Variants in MFSD6 observed in about 807,000 individuals in gnomAD.
The protein encoded by MFSD6 is major facilitator superfamily domain containing 6, also known as major facilitator superfamily domain-containing protein 6.
In MFSD6, 26 loss-of-function variants were observed where a neutral mutation model predicts 56.3. The ratio of observed to expected loss-of-function variants is 0.46; its 90% CI spans 0.34 to 0.64. The LOEUF (loss-of-function observed/expected upper bound fraction) is 0.64, where lower values mean the gene tolerates loss of function less well. Among genes scored for constraint, MFSD6 ranks in the 30% least tolerant of loss-of-function variants. The pLI is 0.01. For synonymous variants in MFSD6, 331 were observed against 366.9 expected (o/e 0.90, Z 1.12); for missense variants, 750 against 986.2 (o/e 0.76, Z 3.21).
At position 190,439,362 on chromosome 2, in the gene MFSD6, TTTTA is replaced by T. The variant is rs1464079785; in HGVS notation, c.1532+1805_1532+1808del. ...AGGTTCTATTTTCTTTTTTTTCACG[TTTTA>T]TTTGTTTATTTTTTTATTATACTTT... On this transcript the variant is annotated intron_variant, in intron 3 of 7. Coordinates refer to ENST00000392328, the MANE Select transcript of MFSD6 (RefSeq NM_017694.4). The surrounding 1 kb of genome is among the most constrained non-coding windows in gnomAD (Gnocchi z 5.8). 6.6e-6 allele frequency among the ~76,000 whole-genome samples: 1 copy of T among 151,922 alleles called. No homozygotes were observed. Among genetic ancestry groups the T allele is most frequent in the Non-Finnish European group, 1.5e-5 (1 of 67,984 alleles).
chr2:190,458,194 CCCTGAAGATTCATACGTTGAGGTCCTAA>C lies in MFSD6; in HGVS notation c.1533-11561_1533-11534del, dbSNP rs561061923. ...GCATTTTAATGGGCTGAATTGTGGC[CCCTGAAGATTCATACGTTGAGGTCCTAA>C]CCCACAGTACCTCAGAGTGTGACCA... On this transcript the variant is annotated intron_variant, in intron 3 of 7. Transcript: ENST00000392328. This position sits in a 1 kb window ranked among gnomAD's most constrained non-coding sequence, Gnocchi z 5.3. Among the ~76,000 whole-genome samples the C allele has an allele frequency of 7.4e-4, 113 of 152,174 alleles. No individual in the cohort carries two copies. Among genetic ancestry groups the C allele is most frequent in the African/African-American group, 2.6e-3 (106 of 41,518 alleles).
At chr2:190,482,846 G>A (rs1688753214) in intron 4 of MFSD6, among the ~76,000 whole-genome samples, 1 of 134,492 alleles carries the variant, frequency 7.4e-6, no homozygotes, top group Admixed American at 7.9e-5. Flanking sequence ...AAAGGGTGGA[G>A]AAGAGTTATT....
rs964145107 is a variant in MFSD6 at position 190,456,669 on chromosome 2, A to C, written c.1533-13089A>C. Among the ~76,000 whole-genome samples, 1 of 152,072 alleles carries C rather than the reference A, an allele frequency of 6.6e-6. No homozygotes were observed. Among genetic ancestry groups the C allele is most frequent in the African/African-American group, 2.4e-5 (1 of 41,416 alleles). On this transcript the variant is annotated intron_variant, in intron 3 of 7. Transcript: ENST00000392328. The surrounding 1 kb of genome is among the most constrained non-coding windows in gnomAD (Gnocchi z 5.4). Reference sequence around the variant, plus strand: ...CTGTGTATGGTGCCCCATCCCTGACAAGGCAAGCATCCACTTCTGATTATT... The same window carrying C: ...CTGTGTATGGTGCCCCATCCCTGACCAGGCAAGCATCCACTTCTGATTATT...
chr2:190,454,930 CTGTA>C lies in MFSD6; in HGVS notation c.1533-14822_1533-14819del, dbSNP rs919847527. The stretch of plus-strand genomic sequence containing the variant: ...CTGTATGTATATGTGTTCCTGGTTT[CTGTA>C]TGTATATGTATATGTATATGTATAT... On this transcript the variant is annotated intron_variant, in intron 3 of 7. Transcript: ENST00000392328. The surrounding 1 kb of genome is among the most constrained non-coding windows in gnomAD (Gnocchi z 4.6). Among the ~76,000 whole-genome samples, 1 of 120,550 alleles carries C rather than the reference CTGTA, an allele frequency of 8.3e-6. No individual in the cohort carries two copies. The highest frequency in any genetic ancestry group is 3.7e-5 in the African/African-American group (1 of 26,698). The allele number at this position is 120,550 out of a possible 152,430, so 79.1% of individuals were successfully genotyped here. A position where few individuals can be genotyped will look rare whatever the true frequency, so the allele number is the denominator to read the frequency against.
rs184193867 is a variant in MFSD6 at position 190,476,949 on chromosome 2, T to C, written c.1630+7094T>C. ...AACCATCATTCTCAGCAAACTATTG[T>C]AAGGACAAAAAACCAAACACCGCAT... On this transcript the variant is annotated intron_variant, in intron 4 of 7. Transcript: ENST00000392328. 1.6e-4 allele frequency among the ~76,000 whole-genome samples: 24 copies of C among 148,598 alleles called. 1 individual carries two copies. The East Asian group carries it at 3.6e-3, about 22-fold the overall frequency.
rs1687891867 is a variant in MFSD6 at position 190,471,021 on chromosome 2, A to G, written c.1630+1166A>G. On this transcript the variant is annotated intron_variant, in intron 4 of 7. Coordinates refer to ENST00000392328, the MANE Select transcript of MFSD6 (RefSeq NM_017694.4). This position sits in a 1 kb window ranked among gnomAD's most constrained non-coding sequence, Gnocchi z 4.7. The stretch of plus-strand genomic sequence containing the variant: ...GGAAACTTGGTCTTTAATAATAAGA[A>G]ATTATTGTTTCTAATAATTAGAACT... 6.6e-6 allele frequency among the ~76,000 whole-genome samples: 1 copy of G among 152,198 alleles called. No individual in the cohort carries two copies. The highest frequency in any genetic ancestry group is 1.5e-5 in the Non-Finnish European group (1 of 68,036).
chr2:190,451,846 G>C lies in MFSD6; in HGVS notation c.1532+14285G>C, dbSNP rs1343842462. On this transcript the variant is annotated intron_variant, in intron 3 of 7. Transcript: ENST00000392328. This position sits in a 1 kb window ranked among gnomAD's most constrained non-coding sequence, Gnocchi z 5.0. Reference sequence around the variant, plus strand: ...TTTTTCTAAGAGAAGCTGAGTTTTAGCAGGAGGTGATATAACTGATTTCTG... The same window carrying C: ...TTTTTCTAAGAGAAGCTGAGTTTTACCAGGAGGTGATATAACTGATTTCTG... 6.6e-6 allele frequency among the ~76,000 whole-genome samples: 1 copy of C among 152,228 alleles called. No individual in the cohort carries two copies. The highest frequency in any genetic ancestry group is 1.5e-5 in the Non-Finnish European group (1 of 68,032).
intron 1 of MFSD6, among the ~76,000 whole-genome samples, chr2:190,414,288 C>T (rs1559100005): frequency 6.6e-6 from 1 of 152,078 alleles, no homozygotes; most frequent in Non-Finnish European, 1.5e-5. Flanking sequence ...AATAAAGAAG[C>T]GCTGTGTTCT....
intron 3 of MFSD6, among the ~76,000 whole-genome samples, chr2:190,440,976 G>T (rs1417041047): frequency 6.6e-6 from 1 of 152,152 alleles, no homozygotes; most frequent in Non-Finnish European, 1.5e-5. Context: ...ATGGGAGGTG[G>T]CACATGATAG....
chr2:190,464,429 C>T (rs1687491487), intron 3 of MFSD6, among the ~76,000 whole-genome samples: 1 of 152,166 alleles, frequency 6.6e-6, no homozygotes, highest in Non-Finnish European at 1.5e-5. Flanking sequence ...TCTTTCTTTG[C>T]TGCTCACACC....
Position 190,434,172 on chromosome 2 carries a change from C to A in MFSD6, c.-53-1805C>A, listed in dbSNP as rs1427405157. Among the ~76,000 whole-genome samples, 34 of 136,332 alleles carry A rather than the reference C, an allele frequency of 2.5e-4. No homozygotes were observed. The highest frequency in any genetic ancestry group is 9.1e-4 in the African/African-American group (34 of 37,464). 89.4% of individuals were successfully genotyped at this position (136,332 alleles called of 152,430 possible). A position where few individuals can be genotyped will look rare whatever the true frequency, so the allele number is the denominator to read the frequency against. ...CTCCAGCCTGGGTGACAGAGTAAGA[C>A]CCTGTCTCTCAAAAAAAAAAAAAGA... On this transcript the variant is annotated intron_variant, in intron 2 of 7. Coordinates refer to ENST00000392328, the MANE Select transcript of MFSD6 (RefSeq NM_017694.4). This position sits in a 1 kb window ranked among gnomAD's most constrained non-coding sequence, Gnocchi z 4.3.
rs1689082102 is a variant in MFSD6, at chr2:190,487,540, G to C, written c.1631-1117G>C. On this transcript the variant is annotated intron_variant, in intron 4 of 7. Transcript: ENST00000392328. This position sits in a 1 kb window ranked among gnomAD's most constrained non-coding sequence, Gnocchi z 5.5. ...TGGATGAATGTCCAGAATATATAAAGAGCTCCTACAACTCAATAACAAAAA... is the reference window on the plus strand; with the variant it reads ...TGGATGAATGTCCAGAATATATAAACAGCTCCTACAACTCAATAACAAAAA... Among the ~76,000 whole-genome samples, 1 of 152,042 alleles carries C rather than the reference G, an allele frequency of 6.6e-6. No homozygotes were observed. The highest frequency in any genetic ancestry group is 1.5e-5 in the Non-Finnish European group (1 of 68,002).
At position 190,468,011 on chromosome 2, in the gene MFSD6, C is replaced by T. The variant is rs145195482; in HGVS notation, c.1533-1747C>T. 6.2e-4 allele frequency among the ~76,000 whole-genome samples: 95 copies of T among 152,302 alleles called. 1 individual carries two copies. In the East Asian group the frequency reaches 0.018, roughly 29 times the overall value. On this transcript the variant is annotated intron_variant, in intron 3 of 7. Coordinates refer to ENST00000392328, the MANE Select transcript of MFSD6 (RefSeq NM_017694.4). ...CCTGAGTTAGGGTAAAGAGAGGCCA[C>T]CCACAGGGCTGGCTTAGAATTTGTA...
Position 190,437,319 on chromosome 2 carries a change from G to T in MFSD6, c.1290G>T (p.Ser430=), listed in dbSNP as rs138768363. The part of the protein sequence containing the change: ...SEETPTTTSH[S]QAFNFWDLIK... ...AGACACCAACCACCACAAGCCACTC[G>T]CAGGCCTTCAACTTTTGGGACTTAA... The change falls in exon 3 of 8, where the codon TCG becomes TCT. Residue 430 remains serine, a synonymous_variant. Coordinates refer to ENST00000392328, the MANE Select transcript of MFSD6 (RefSeq NM_017694.4). This position sits in a 1 kb window ranked among gnomAD's most constrained non-coding sequence, Gnocchi z 5.9. 13 of 1,614,220 alleles carry T rather than the reference G, an allele frequency of 8.1e-6. No homozygotes were observed. In the East Asian group the frequency reaches 2.5e-4, roughly 30 times the overall value.
At position 190,439,360 on chromosome 2, in the gene MFSD6, C is replaced by T. The variant is rs772618569; in HGVS notation, c.1532+1799C>T. Among the ~76,000 whole-genome samples, 3 of 151,538 alleles carry T rather than the reference C, an allele frequency of 2.0e-5. No individual in the cohort carries two copies. Among genetic ancestry groups the T allele is most frequent in the Non-Finnish European group, 2.9e-5 (2 of 67,928 alleles). ...TTAGGTTCTATTTTCTTTTTTTTCA[C>T]GTTTTATTTGTTTATTTTTTTATTA... On this transcript the variant is annotated intron_variant, in intron 3 of 7. Coordinates refer to ENST00000392328, the MANE Select transcript of MFSD6 (RefSeq NM_017694.4). The surrounding 1 kb of genome is among the most constrained non-coding windows in gnomAD (Gnocchi z 5.8).
rs1473904258 is a variant in MFSD6, at chr2:190,431,499, T to A, written c.-53-4478T>A. 6.6e-6 allele frequency among the ~76,000 whole-genome samples: 1 copy of A among 152,186 alleles called. No homozygotes were observed. Among genetic ancestry groups the A allele is most frequent in the Non-Finnish European group, 1.5e-5 (1 of 68,032 alleles). ...TGGCGGATCACTCGCGATTAGGAGC[T>A]GGAGACTAGCCCGGCCAACACAGCG... On this transcript the variant is annotated intron_variant, in intron 2 of 7. Transcript: ENST00000392328. The surrounding 1 kb of genome is among the most constrained non-coding windows in gnomAD (Gnocchi z 4.4).
chr2:190,451,158 T>G lies in MFSD6; in HGVS notation c.1532+13597T>G, dbSNP rs1292820205. Reference sequence around the variant, plus strand: ...TTTGCCTATAAAAAGTGTATGTGTGTGTATATGTACATGTGTGCATTTGAT... The same window carrying G: ...TTTGCCTATAAAAAGTGTATGTGTGGGTATATGTACATGTGTGCATTTGAT... On this transcript the variant is annotated intron_variant, in intron 3 of 7. Coordinates refer to ENST00000392328, the MANE Select transcript of MFSD6 (RefSeq NM_017694.4). This position sits in a 1 kb window ranked among gnomAD's most constrained non-coding sequence, Gnocchi z 5.0. Among the ~76,000 whole-genome samples, 1 of 152,222 alleles carries G rather than the reference T, an allele frequency of 6.6e-6. No homozygotes were observed. Among genetic ancestry groups the G allele is most frequent in the African/African-American group, 2.4e-5 (1 of 41,454 alleles).
chr2:190,487,256 G>A lies in MFSD6; in HGVS notation c.1631-1401G>A, dbSNP rs866045984. Among the ~76,000 whole-genome samples the A allele has an allele frequency of 2.6e-5, 4 of 152,138 alleles. No homozygotes were observed. The highest frequency in any genetic ancestry group is 4.4e-5 in the Non-Finnish European group (3 of 68,024). On this transcript the variant is annotated intron_variant, in intron 4 of 7. Transcript: ENST00000392328. This position sits in a 1 kb window ranked among gnomAD's most constrained non-coding sequence, Gnocchi z 5.5. ...CTTGGGAGGCTGAAGCAGGAGGATC[G>A]CTTGAACCCAGGAAGCAGAGGTTGC...
chr2:190,447,400 T>C lies in MFSD6; in HGVS notation c.1532+9839T>C, dbSNP rs886557095. 6.6e-6 allele frequency among the ~76,000 whole-genome samples: 1 copy of C among 152,218 alleles called. No homozygotes were observed. Among genetic ancestry groups the C allele is most frequent in the Non-Finnish European group, 1.5e-5 (1 of 68,030 alleles). On this transcript the variant is annotated intron_variant, in intron 3 of 7. Transcript: ENST00000392328. This position sits in a 1 kb window ranked among gnomAD's most constrained non-coding sequence, Gnocchi z 4.5. Reference sequence around the variant, plus strand: ...TTTGTGCCAACTAGAGAGCTTTGGATTTGTTAAAATATGGCATTTATGGAT... The same window carrying C: ...TTTGTGCCAACTAGAGAGCTTTGGACTTGTTAAAATATGGCATTTATGGAT...
Sources: allele counts gnomAD v4.1 joint callset (sites outside exome capture counted in the v4.1 genomes callset), GRCh38; gene constraint gnomAD v4.1.1; non-coding constraint Gnocchi (gnomAD v3.1); transcripts MANE v1.5; gene names NCBI Gene and HGNC (gene_info 2026-07-23, HGNC 2026-07-21).